Variants in LY75 observed in about 807,000 individuals in gnomAD.
LY75 encodes lymphocyte antigen 75, also known as C-type lectin domain family 13 member B.
In LY75, 185 loss-of-function variants were observed where a neutral mutation model predicts 231.7. The observed-to-expected ratio is 0.80, with a 90% CI of 0.71 to 0.90. The LOEUF (loss-of-function observed/expected upper bound fraction) is 0.90. Among genes scored for constraint, LY75 ranks in the 40% least tolerant of loss-of-function variants. The pLI, the probability that LY75 is intolerant of heterozygous loss-of-function variation, is 0.00. For synonymous variants in LY75, 668 were observed against 689.0 expected, an observed-to-expected ratio of 0.97 and a Z score of 0.48; for missense variants, 1,947 against 2,050.2, an observed-to-expected ratio of 0.95 and a Z score of 0.97.
At chr2:159,848,185 T>C (rs1184250812) in intron 23 of LY75, among the ~76,000 whole-genome samples, 2 of 151,204 alleles carry the variant, frequency 1.3e-5, no homozygotes, top group African/African-American at 2.4e-5. Context: ...TATATATGTA[T>C]GTATGTATAT....
chr2:159,878,195 T>A lies in LY75; in HGVS notation c.1774+129A>T, dbSNP rs115172573. 8.6e-4 allele frequency: 1,108 copies of A among 1,281,212 alleles called. 14 individuals are homozygous for A. In the African/African-American group the frequency reaches 0.014, roughly 17 times the overall value. 79.4% of individuals were successfully genotyped at this position (1,281,212 alleles called of 1,614,324 possible). Reference sequence around the variant, plus strand: ...GCCACTGCTTCTATTTATGGTTCCATAGATAGACTCCAATCCTGAAGATCA... The same window carrying A: ...GCCACTGCTTCTATTTATGGTTCCAAAGATAGACTCCAATCCTGAAGATCA... On this transcript the variant is annotated intron_variant, in intron 11 of 34. Transcript: ENST00000263636.
rs1682724885 is a variant in LY75, at chr2:159,803,899, C to A, written c.*1145G>T. The stretch of plus-strand genomic sequence containing the variant: ...CATGTTAAAAAAGTAAAACAAAATT[C>A]TTAGTCAAAAGTTGACATGCTATGT... On this transcript the variant is annotated 3_prime_UTR_variant, in exon 35 of 35. Coordinates refer to ENST00000263636, the MANE Select transcript of LY75 (RefSeq NM_002349.4). 6.6e-6 allele frequency: 1 copy of A among 152,188 alleles called. No homozygotes were observed. Among genetic ancestry groups the A allele is most frequent in the African/African-American group, 2.4e-5 (1 of 41,456 alleles). 9.4% of individuals were successfully genotyped at this position (152,188 alleles called of 1,614,324 possible). A position where few individuals can be genotyped will look rare whatever the true frequency, so the allele number is the denominator to read the frequency against.
intron 23 of LY75, among the ~76,000 whole-genome samples, chr2:159,847,904 A>G (rs1056372984): frequency 2.0e-5 from 3 of 151,984 alleles, no homozygotes; most frequent in Non-Finnish European, 4.4e-5. Context: ...TTGCAGCACT[A>G]TTTATGATTG....
intron 2 of LY75, among the ~76,000 whole-genome samples, chr2:159,898,296 A>C (rs1293804150): frequency 6.6e-6 from 1 of 152,174 alleles, no homozygotes; most frequent in Non-Finnish European, 1.5e-5. Flanking sequence ...CTTCTTTTAA[A>C]ACTTAGAATA....
Position 159,890,309 on chromosome 2 carries a change from TC to T in LY75, c.705del (p.Thr236ArgfsTer20). 1 of 1,613,542 alleles carries T rather than the reference TC, an allele frequency of 6.2e-7. No individual in the cohort carries two copies. Among genetic ancestry groups the T allele is most frequent in the Non-Finnish European group, 8.5e-7 (1 of 1,179,682 alleles). On this transcript the variant is annotated frameshift_variant, in exon 4 of 35. Transcript: ENST00000263636. LOFTEE classifies it high-confidence loss of function. ...QFGSCYQFNTQTALSWKEAYV... is the reference protein window; with the variant it reads ...QFGSCYQFNTXTALSWKEAYV... ...TAAGCTTCTTTCCAAGAAAGAGCCGTCTGAGTATTAAATTGGTAGCAACTTC... is the reference window on the plus strand; with the variant it reads ...TAAGCTTCTTTCCAAGAAAGAGCCGTTGAGTATTAAATTGGTAGCAACTTC...
At chr2:159,899,629 T>G (rs962950853) in intron 1 of LY75, among the ~76,000 whole-genome samples, 12 of 152,324 alleles carry the variant, frequency 7.9e-5, no homozygotes, top group Non-Finnish European at 4.4e-5. Context: ...TCCAAGTACA[T>G]AGTGAGGCCT....
chr2:159,814,960 T>C (rs982761116), intron 31 of LY75, among the ~76,000 whole-genome samples: 1 of 150,734 alleles, frequency 6.6e-6, no homozygotes, highest in Admixed American at 6.6e-5. Context: ...TTACAAAGTA[T>C]CAAAATTATT....
intron 23 of LY75, among the ~76,000 whole-genome samples, chr2:159,848,437 TAC>T (rs1684285384): frequency 2.0e-5 from 3 of 151,908 alleles, no homozygotes. Context: ...AGGGATAAAA[TAC>T]TACAAATTGA....
At chr2:159,878,570 G>GA in intron 10 of LY75, 63 bp downstream of exon 10, 1 of 1,612,326 alleles carries the variant, frequency 6.2e-7, no homozygotes. Context: ...TACTTAGGAA[G>GA]ACTGTTTGGC....
chr2:159,823,501 T>G (rs1174430460), intron 28 of LY75, among the ~76,000 whole-genome samples: 1 of 152,088 alleles, frequency 6.6e-6, no homozygotes, highest in East Asian at 1.9e-4. Context: ...ATGAGGAGAA[T>G]GAAACCAAGT....
At chr2:159,880,950 C>T in intron 8 of LY75, 133 bp downstream of exon 8, 1 of 1,128,536 alleles carries the variant, frequency 8.9e-7, no homozygotes, top group Non-Finnish European at 1.2e-6. Context: ...TGGTCCGTGG[C>T]TCTGTACCCT....
intron 32 of LY75, among the ~76,000 whole-genome samples, chr2:159,809,875 G>C (rs1476624863): frequency 1.3e-5 from 2 of 151,392 alleles, no homozygotes; most frequent in Non-Finnish European, 2.9e-5. Context: ...ACGAGGGCTC[G>C]CCATGTTGGT....
intron 23 of LY75, among the ~76,000 whole-genome samples, chr2:159,845,117 A>G (rs1384629658): frequency 6.6e-6 from 1 of 152,190 alleles, no homozygotes; most frequent in African/African-American, 2.4e-5. Context: ...AAGAGATGGA[A>G]CTATAAAACT....
chr2:159,880,452 G>A (rs904480596), intron 8 of LY75, among the ~76,000 whole-genome samples: 8 of 152,136 alleles, frequency 5.3e-5, no homozygotes, highest in African/African-American at 1.7e-4. Flanking sequence ...GCTATCTGCC[G>A]AATATCACAC....
chr2:159,815,495 T>A lies in LY75; in HGVS notation c.4459A>T (p.Asn1487Tyr). 6.2e-7 allele frequency: 1 copy of A among 1,613,956 alleles called. No individual in the cohort carries two copies. The highest frequency in any genetic ancestry group is 8.5e-7 in the Non-Finnish European group (1 of 1,179,946). ...CCTTTTGGATCCAAGAGAACACAATTTCCAGGAGATGTTTGGCCTTTCCAT... is the reference window on the plus strand; with the variant it reads ...CCTTTTGGATCCAAGAGAACACAATATCCAGGAGATGTTTGGCCTTTCCAT... ...IPWKGQTSPG[N>Y]CVLLDPKGTW... is the part of the protein sequence containing the mutation. Residue 1487 changes from asparagine to tyrosine, a missense_variant, in exon 31 of 35, where the codon AAT becomes TAT. Transcript: ENST00000263636.
intron 29 of LY75, among the ~76,000 whole-genome samples, chr2:159,819,250 A>G (rs559410490): frequency 1.8e-3 from 280 of 152,326 alleles, no homozygotes; most frequent in Admixed American, 5.0e-3. Flanking sequence ...ACTAACATAT[A>G]TTTAAAAATA....
chr2:159,872,306 AT>A (rs1465535775), intron 13 of LY75, 144 bp downstream of exon 13: 1 of 1,023,764 alleles, frequency 9.8e-7, no homozygotes, highest in Non-Finnish European at 1.4e-6. Context: ...TTAATGTTCC[AT>A]GACTGCTAAG....
At chr2:159,842,174 A>ACTCTCT in intron 24 of LY75, 71 bp downstream of exon 24, 1 of 1,445,894 alleles carries the variant, frequency 6.9e-7, no homozygotes, top group Non-Finnish European at 9.2e-7. Context: ...ATAGAAAGTG[A>ACTCTCT]CTCTCTCTCT....
chr2:159,904,513 G>T, intron 1 of LY75, 76 bp downstream of exon 1: 1 of 1,422,230 alleles, frequency 7.0e-7, no homozygotes, highest in Non-Finnish European at 9.2e-7. Context: ...GCGCAGCCCT[G>T]CCCCAGGCTG....
Sources: gnomAD v4.1 joint callset for allele counts (sites outside exome capture counted in the v4.1 genomes callset) on GRCh38, gnomAD v4.1.1 for gene constraint, MANE v1.5 for transcripts, NCBI Gene and HGNC (gene_info 2026-07-23, HGNC 2026-07-21) for gene names.